Variants in SHISA6 observed in about 807,000 individuals in gnomAD.
SHISA6 encodes shisa family member 6.
SHISA6 carries 22 observed loss-of-function variants against 47.9 expected under a neutral mutation model. That is an observed-to-expected ratio of 0.46 (90% CI 0.33 to 0.66). The LOEUF (loss-of-function observed/expected upper bound fraction) is 0.66, where lower values mean the gene tolerates loss of function less well. Among genes scored for constraint, SHISA6 ranks in the 30% least tolerant of loss-of-function variants. SHISA6 has a pLI of 0.02. For synonymous variants in SHISA6, 388 were observed against 337.8 expected (o/e 1.15, Z -1.63); for missense variants, 680 against 764.6 (o/e 0.89, Z 1.30).
Position 11,424,983 on chromosome 17 carries a change from AGC to A in SHISA6, c.895+45476_895+45477del, listed in dbSNP as rs1914569050. ...GATCGCGCCACTGCACTCCAGCCTG[AGC>A]GACAGAGTGATACTCCGTCTCAAAA... On this transcript the variant is annotated intron_variant, in intron 3 of 5. Coordinates refer to ENST00000441885, the MANE Select transcript of SHISA6 (RefSeq NM_207386.4). 2.3e-5 allele frequency among the ~76,000 whole-genome samples: 3 copies of A among 132,656 alleles called. No individual in the cohort carries two copies. The East Asian group carries it at 7.5e-4, about 33-fold the overall frequency. The allele number at this position is 132,656 out of a possible 152,430, so 87.0% of individuals were successfully genotyped here.
chr17:11,448,019 C>A (rs939655174), intron 3 of SHISA6, among the ~76,000 whole-genome samples: 5 of 152,072 alleles, frequency 3.3e-5, no homozygotes, highest in African/African-American at 1.2e-4. Context: ...ATGTGACAGT[C>A]GATCGTGACT....
intron 3 of SHISA6, among the ~76,000 whole-genome samples, chr17:11,395,961 A>T (rs1295558766): frequency 4.6e-5 from 7 of 152,240 alleles, no homozygotes; most frequent in Admixed American, 4.6e-4. Context: ...GAGCGTTTCC[A>T]TTAAGATCCT....
intron 3 of SHISA6, among the ~76,000 whole-genome samples, chr17:11,454,346 G>A (rs923234866): frequency 1.3e-5 from 2 of 152,016 alleles, no homozygotes; most frequent in South Asian, 2.1e-4. Flanking sequence ...GCCCACATCC[G>A]ACATCCTCTC....
intron 2 of SHISA6, among the ~76,000 whole-genome samples, chr17:11,368,321 A>G (rs534830094): frequency 2.9e-4 from 44 of 151,816 alleles, no homozygotes; most frequent in Non-Finnish European, 6.2e-4. Flanking sequence ...TTCTCCTACT[A>G]ATCTTAATTA....
At chr17:11,428,795 T>G (rs1914669002) in intron 3 of SHISA6, among the ~76,000 whole-genome samples, 2 of 148,480 alleles carry the variant, frequency 1.3e-5, no homozygotes, top group Admixed American at 6.7e-5. Context: ...TTTTTTTTTT[T>G]TTTTTTTGAG....
intron 2 of SHISA6, among the ~76,000 whole-genome samples, chr17:11,299,743 G>C (rs1909859018): frequency 6.6e-6 from 1 of 152,060 alleles, no homozygotes; most frequent in Non-Finnish European, 1.5e-5. Context: ...ACCAACCTGT[G>C]TCCACTTATA....
rs8067132 is a variant in SHISA6, at chr17:11,299,203, T to G, written c.799+35677T>G. ...ATTCTATTCTCTGTCTGGATTTTAA[T>G]GTTCTCCCCCATAAAATAAAGCAGT... On this transcript the variant is annotated intron_variant, in intron 2 of 5. Transcript: ENST00000441885. Among the ~76,000 whole-genome samples, 1,038 of 152,350 alleles carry G rather than the reference T, an allele frequency of 6.8e-3. 8 individuals are homozygous for G. The highest frequency in any genetic ancestry group is 0.024 in the African/African-American group (985 of 41,584).
At chr17:11,335,407 C>T (rs1284398690) in intron 2 of SHISA6, among the ~76,000 whole-genome samples, 3 of 152,178 alleles carry the variant, frequency 2.0e-5, no homozygotes, top group African/African-American at 7.2e-5. Flanking sequence ...TGACCCTGAG[C>T]AGGGAAGCCG....
intron 2 of SHISA6, among the ~76,000 whole-genome samples, chr17:11,296,953 C>T (rs2142174131): frequency 6.6e-6 from 1 of 152,216 alleles, no homozygotes; most frequent in African/African-American, 2.4e-5. Context: ...TACCACTGGG[C>T]TTGTAACATG....
intron 3 of SHISA6, among the ~76,000 whole-genome samples, chr17:11,418,700 C>G (rs370705400): frequency 6.6e-6 from 1 of 152,206 alleles, no homozygotes; most frequent in Non-Finnish European, 1.5e-5. Context: ...CTGGATAAGA[C>G]TGTCCGTCAT....
At chr17:11,413,057 T>C (rs1436006160) in intron 3 of SHISA6, among the ~76,000 whole-genome samples, 9 of 152,140 alleles carry the variant, frequency 5.9e-5, no homozygotes, top group Admixed American at 5.2e-4. Flanking sequence ...ACTTCCCAAC[T>C]GTAAGAGCCC....
chr17:11,460,985 GATTA>G (rs1915675458), intron 3 of SHISA6, among the ~76,000 whole-genome samples: 1 of 152,242 alleles, frequency 6.6e-6, no homozygotes, highest in Admixed American at 6.5e-5. Flanking sequence ...GGATTTTATT[GATTA>G]ATTAATGAAT....
chr17:11,375,388 C>T (rs1398714815), intron 2 of SHISA6, among the ~76,000 whole-genome samples: 1 of 152,070 alleles, frequency 6.6e-6, no homozygotes, highest in Admixed American at 6.6e-5. Flanking sequence ...TTGGACTCTC[C>T]TTTATCAGCT....
At chr17:11,323,111 A>G (rs549709234) in intron 2 of SHISA6, among the ~76,000 whole-genome samples, 1 of 152,340 alleles carries the variant, frequency 6.6e-6, no homozygotes, top group South Asian at 2.1e-4. Flanking sequence ...AAGCAAGTTC[A>G]CAAAAGAACT....
At chr17:11,449,781 C>G (rs1915335285) in intron 3 of SHISA6, among the ~76,000 whole-genome samples, 1 of 152,228 alleles carries the variant, frequency 6.6e-6, no homozygotes, top group African/African-American at 2.4e-5. Flanking sequence ...GCGTCTTTGT[C>G]TCAGCTTCTG....
chr17:11,493,455 G>A (rs1346813242), intron 3 of SHISA6, among the ~76,000 whole-genome samples: 1 of 152,140 alleles, frequency 6.6e-6, no homozygotes, highest in Non-Finnish European at 1.5e-5. Context: ...TCGAACTCCT[G>A]ATGTCAAGTA....
rs1908260275 is a variant in SHISA6, at chr17:11,262,320, C to A, written c.639-1046C>A. 2.0e-5 allele frequency among the ~76,000 whole-genome samples: 3 copies of A among 152,152 alleles called. 1 individual carries two copies. The South Asian group carries it at 6.2e-4, about 32-fold the overall frequency. ...CAGGGCCCCACCCATCAGAGACACC[C>A]CTCGAGAAGATGGAATAGTCTTTGC... On this transcript the variant is annotated intron_variant, in intron 1 of 5. Transcript: ENST00000441885.
chr17:11,321,881 C>T (rs1414226628), intron 2 of SHISA6, among the ~76,000 whole-genome samples: 2 of 151,896 alleles, frequency 1.3e-5, no homozygotes. Flanking sequence ...ATTTTTTTTT[C>T]AGCTCATCAG....
At chr17:11,335,944 C>T (rs1373405196) in intron 2 of SHISA6, among the ~76,000 whole-genome samples, 2 of 151,848 alleles carry the variant, frequency 1.3e-5, no homozygotes, top group Non-Finnish European at 2.9e-5. Context: ...CACCTGTAGT[C>T]CCAGCACTTT....
Sources: allele counts gnomAD v4.1 joint callset (sites outside exome capture counted in the v4.1 genomes callset), GRCh38; gene constraint gnomAD v4.1.1; transcripts MANE v1.5; gene names NCBI Gene and HGNC (gene_info 2026-07-23, HGNC 2026-07-21).